Variants in CELSR1 observed in about 807,000 individuals in gnomAD.
The protein encoded by CELSR1 is cadherin EGF LAG seven-pass G-type receptor 1, also known as adhesion G protein-coupled receptor C1.
In CELSR1, 110 loss-of-function variants were observed where a neutral mutation model predicts 249.1. The observed-to-expected ratio is 0.44, with a 90% CI of 0.38 to 0.52. The LOEUF is 0.52. Ranked by LOEUF, CELSR1 falls within the 20% of genes least tolerant of loss-of-function variation. The probability of loss-of-function intolerance (pLI) is 0.00; values close to 1 mark genes in which losing one functional copy is unlikely to be tolerated. For synonymous variants in CELSR1, 2,113 were observed against 1,900.0 expected, an observed-to-expected ratio of 1.11 and a Z score of -2.92; for missense variants, 4,109 against 4,296.4, an observed-to-expected ratio of 0.96 and a Z score of 1.22.
intron 27 of CELSR1, 99 bp from the exon 28 acceptor site, chr22:46,367,954 G>GCCCATCTATCTGTCCGTCCA: frequency 6.9e-7 from 1 of 1,443,206 alleles, no homozygotes; most frequent in Non-Finnish European, 9.3e-7. Flanking sequence ...CTGCCCGTCC[G>GCCCATCTATCTGTCCGTCCA]CCCATCTATC....
rs1374601945 is a variant in CELSR1 at position 46,402,864 on chromosome 22, C to G, written c.5227-2962G>C. Among the ~76,000 whole-genome samples the G allele has an allele frequency of 6.6e-6, 1 of 151,876 alleles. No homozygotes were observed. The highest frequency in any genetic ancestry group is 6.6e-5 in the Admixed American group (1 of 15,236). ...TTTAAAGATAACTTCAAAAAATAGC[C>G]TAGATTTTAGAAAAACAACTATTAG... On this transcript the variant is annotated intron_variant, in intron 9 of 34. Transcript: ENST00000674500. This position sits in a 1 kb window ranked among gnomAD's most constrained non-coding sequence, Gnocchi z 5.0.
Position 46,381,528 on chromosome 22 carries a change from G to A in CELSR1, c.7088+318C>T, listed in dbSNP as rs138789649. Among the ~76,000 whole-genome samples, 263 of 152,344 alleles carry A rather than the reference G, an allele frequency of 1.7e-3. No individual in the cohort carries two copies. Among genetic ancestry groups the A allele is most frequent in the Middle Eastern group, 3.4e-3 (1 of 294 alleles). Reference sequence around the variant, plus strand: ...CAGGCACTACCCATGACAGCCTTGGGCCAGGTGTGTGGGGACAGAATGGGG... The same window carrying A: ...CAGGCACTACCCATGACAGCCTTGGACCAGGTGTGTGGGGACAGAATGGGG... On this transcript the variant is annotated intron_variant, in intron 21 of 34. Coordinates refer to ENST00000674500, the MANE Select transcript of CELSR1 (RefSeq NM_001378328.1). The surrounding 1 kb of genome is among the most constrained non-coding windows in gnomAD (Gnocchi z 6.0).
intron 1 of CELSR1, among the ~76,000 whole-genome samples, chr22:46,481,102 G>C (rs998734925): frequency 1.3e-5 from 2 of 152,226 alleles, no homozygotes; most frequent in East Asian, 1.9e-4. Flanking sequence ...GGGCATGGTG[G>C]TGCATGCCTG....
intron 2 of CELSR1, among the ~76,000 whole-genome samples, chr22:46,450,792 G>A (rs2079874604): frequency 6.6e-6 from 1 of 152,184 alleles, no homozygotes; most frequent in Non-Finnish European, 1.5e-5. Flanking sequence ...GAGGTTTCCT[G>A]AGCAAGATCC....
In CELSR1 at chr22:46,363,848, C is replaced by T. The variant is rs1602015748; in HGVS notation, c.9035+148G>A. ...TCCTGACCTCAGCTGCAGCGCCTCC[C>T]CCCTCCCCCATCCCCGCCTGGGCTT... On this transcript the variant is annotated intron_variant, in intron 34 of 34. Coordinates refer to ENST00000674500, the MANE Select transcript of CELSR1 (RefSeq NM_001378328.1). The surrounding 1 kb of genome is among the most constrained non-coding windows in gnomAD (Gnocchi z 4.3). The T allele has an allele frequency of 1.8e-6, 2 of 1,109,630 alleles. No individual in the cohort carries two copies. The highest frequency in any genetic ancestry group is 3.1e-4 in the Middle Eastern group (1 of 3,240). The allele number at this position is 1,109,630 out of a possible 1,614,324, so 68.7% of individuals were successfully genotyped here. A position where few individuals can be genotyped will look rare whatever the true frequency, so the allele number is the denominator to read the frequency against.
chr22:46,422,508 G>A (rs889523365), intron 5 of CELSR1, among the ~76,000 whole-genome samples: 2 of 150,870 alleles, frequency 1.3e-5, no homozygotes, highest in Non-Finnish European at 1.5e-5. Context: ...CCAAGGGGGG[G>A]CGGATCACGA....
At chr22:46,431,257 C>T (rs1206037627) in intron 5 of CELSR1, among the ~76,000 whole-genome samples, 2 of 152,252 alleles carry the variant, frequency 1.3e-5, no homozygotes, top group Non-Finnish European at 2.9e-5. Flanking sequence ...CCAGTGAACA[C>T]TCACTGTGTT....
In CELSR1 at chr22:46,417,051, T is replaced by C. The variant is rs182827200; in HGVS notation, c.4612-5292A>G. On this transcript the variant is annotated intron_variant, in intron 5 of 34. Transcript: ENST00000674500. The surrounding 1 kb of genome is among the most constrained non-coding windows in gnomAD (Gnocchi z 4.1). ...GTCAGAAATGATTAACCAACGTTCA[T>C]ATCAAAGAATTCACAGATGGCTGGA... Among the ~76,000 whole-genome samples, 113 of 152,236 alleles carry C rather than the reference T, an allele frequency of 7.4e-4. 1 individual carries two copies. Among genetic ancestry groups the C allele is most frequent in the African/African-American group, 2.7e-3 (112 of 41,534 alleles).
Position 46,473,362 on chromosome 22 carries a change from G to A in CELSR1, c.3545-9017C>T, listed in dbSNP as rs1464135154. Among the ~76,000 whole-genome samples the A allele has an allele frequency of 1.3e-5, 2 of 152,166 alleles. No homozygotes were observed. The highest frequency in any genetic ancestry group is 2.9e-5 in the Non-Finnish European group (2 of 68,028). On this transcript the variant is annotated intron_variant, in intron 1 of 34. Transcript: ENST00000674500. This position sits in a 1 kb window ranked among gnomAD's most constrained non-coding sequence, Gnocchi z 6.6. ...TCCAAGAGGACCCTAGTCCTGGCAT[G>A]GGAGGGTCTGCTGAGGACATGGAGG...
chr22:46,420,917 G>T (rs951399840), intron 5 of CELSR1, among the ~76,000 whole-genome samples: 1 of 152,168 alleles, frequency 6.6e-6, no homozygotes, highest in East Asian at 1.9e-4. Flanking sequence ...ACAGGGAGAA[G>T]GTGGGGGCCG....
chr22:46,394,376 G>T, intron 13 of CELSR1, 114 bp from the exon 14 acceptor site: 1 of 1,235,050 alleles, frequency 8.1e-7, no homozygotes, highest in Non-Finnish European at 1.1e-6. Flanking sequence ...GCTGGGTCCA[G>T]CTCTGGGAGC....
chr22:46,508,488 A>G (rs912011179), intron 1 of CELSR1, among the ~76,000 whole-genome samples: 5 of 114,778 alleles, frequency 4.4e-5, no homozygotes, highest in African/African-American at 1.6e-4. Flanking sequence ...TCCTCCTGCC[A>G]GAGCCCTTTG....
At chr22:46,387,779 GT>G (rs1288255631) in intron 18 of CELSR1, among the ~76,000 whole-genome samples, 2 of 152,126 alleles carry the variant, frequency 1.3e-5, no homozygotes, top group Admixed American at 1.3e-4. Flanking sequence ...CCTGCCAGGG[GT>G]TTTTCCACGT....
At chr22:46,513,062 C>A (rs187712389) in intron 1 of CELSR1, among the ~76,000 whole-genome samples, 2 of 152,190 alleles carry the variant, frequency 1.3e-5, no homozygotes, top group African/African-American at 4.8e-5. Context: ...GAATAGGAGG[C>A]CATTTAACCA....
In CELSR1 at chr22:46,512,964, G is replaced by C. The variant is rs762169522; in HGVS notation, c.3544+20663C>G. On this transcript the variant is annotated intron_variant, in intron 1 of 34. Coordinates refer to ENST00000674500, the MANE Select transcript of CELSR1 (RefSeq NM_001378328.1). The surrounding 1 kb of genome is among the most constrained non-coding windows in gnomAD (Gnocchi z 5.2). ...CAGGCTGGGCCTCTGTGCTACTCAC[G>C]CACTGCTGCTGACCTCATCTGTCCA... Among the ~76,000 whole-genome samples, 3 of 152,320 alleles carry C rather than the reference G, an allele frequency of 2.0e-5. No individual in the cohort carries two copies. Among genetic ancestry groups the C allele is most frequent in the Non-Finnish European group, 2.9e-5 (2 of 68,030 alleles).
rs896146709 is a variant in CELSR1, at chr22:46,518,511, C to T, written c.3544+15116G>A. Among the ~76,000 whole-genome samples the T allele has an allele frequency of 6.6e-6, 1 of 152,266 alleles. No homozygotes were observed. The highest frequency in any genetic ancestry group is 6.5e-5 in the Admixed American group (1 of 15,286). Reference sequence around the variant, plus strand: ...ATTTAACACGAAGAAACCAGTCACACACACAAACATGAAGGCAGGCGTGGC... The same window carrying T: ...ATTTAACACGAAGAAACCAGTCACATACACAAACATGAAGGCAGGCGTGGC... On this transcript the variant is annotated intron_variant, in intron 1 of 34. Coordinates refer to ENST00000674500, the MANE Select transcript of CELSR1 (RefSeq NM_001378328.1). The surrounding 1 kb of genome is among the most constrained non-coding windows in gnomAD (Gnocchi z 5.2).
rs1241404891 is a variant in CELSR1 at position 46,412,682 on chromosome 22, C to T, written c.4612-923G>A. Among the ~76,000 whole-genome samples, 2 of 152,174 alleles carry T rather than the reference C, an allele frequency of 1.3e-5. No individual in the cohort carries two copies. Among genetic ancestry groups the T allele is most frequent in the East Asian group, 1.9e-4 (1 of 5,194 alleles). ...GGTCAGTCCCTCCCAGGACACGAAG[C>T]ATATCCACCCAGCCAGCCTCAGACG... On this transcript the variant is annotated intron_variant, in intron 5 of 34. Transcript: ENST00000674500. This position sits in a 1 kb window ranked among gnomAD's most constrained non-coding sequence, Gnocchi z 4.5.
In CELSR1 at chr22:46,535,435, G is replaced by A. The variant is rs1396867358; in HGVS notation, c.1736C>T (p.Pro579Leu). ...AATGTGCACCACGGGGTAGCCCAGG[G>A]GCACATTCTCCAGCACCGTGGCCTG... ...PFQATVLENV[P>L]LGYPVVHIQA... Residue 579 changes from proline to leucine, a missense_variant, in exon 1 of 35, where the codon CCC (proline) becomes CTC (leucine). Coordinates refer to ENST00000674500, the MANE Select transcript of CELSR1 (RefSeq NM_001378328.1). 1 of 1,608,166 alleles carries A rather than the reference G, an allele frequency of 6.2e-7. No individual in the cohort carries two copies. The highest frequency in any genetic ancestry group is 8.5e-7 in the Non-Finnish European group (1 of 1,177,294).
rs187479470 is a variant in CELSR1 at position 46,368,268 on chromosome 22, C to T, written c.7953-413G>A. Among the ~76,000 whole-genome samples, 37 of 152,218 alleles carry T rather than the reference C, an allele frequency of 2.4e-4. No homozygotes were observed. The East Asian group carries it at 6.8e-3, about 28-fold the overall frequency. ...TTCCTGAGCTCTGCCTCAGTCTCCC[C>T]ATGTGTACAAGGGGAAGACAAAGGC... On this transcript the variant is annotated intron_variant, in intron 27 of 34. Coordinates refer to ENST00000674500, the MANE Select transcript of CELSR1 (RefSeq NM_001378328.1).
Sources: allele counts gnomAD v4.1 joint callset (sites outside exome capture counted in the v4.1 genomes callset), GRCh38; gene constraint gnomAD v4.1.1; non-coding constraint Gnocchi (gnomAD v3.1); transcripts MANE v1.5; gene names NCBI Gene and HGNC (gene_info 2026-07-23, HGNC 2026-07-21).